Variants in UNC13B observed in about 807,000 individuals in gnomAD.
UNC13B encodes unc-13 homolog B.
A neutral mutation model predicts 211.0 loss-of-function variants in UNC13B; 144 were observed. The ratio of observed to expected loss-of-function variants is 0.68; its 90% CI spans 0.60 to 0.78. The LOEUF is 0.78. UNC13B is among the 30% of genes least tolerant of loss of function. The pLI is 0.00. For synonymous variants in UNC13B, 709 were observed against 725.8 expected (o/e 0.98, Z 0.37); for missense variants, 1,777 against 2,002.0 (o/e 0.89, Z 2.14).
chr9:35,262,999 C>CT lies in UNC13B; in HGVS notation c.526+3956dup, dbSNP rs546972152. Among the ~76,000 whole-genome samples, 17 of 152,154 alleles carry CT rather than the reference C, an allele frequency of 1.1e-4. No homozygotes were observed. In the South Asian group the frequency reaches 1.5e-3, roughly 13 times the overall value. ...CTTTTTGGTCATTTATGATATTGAT[C>CT]TTTTTTTATTTACAAAAATAGTTTA... On this transcript the variant is annotated intron_variant, in intron 7 of 39. Coordinates refer to ENST00000635942, the MANE Select transcript of UNC13B (RefSeq NM_001371189.2).
chr9:35,397,053 G>T (rs1835930125), intron 28 of UNC13B, 114 bp from the exon 29 acceptor site: 1 of 1,599,990 alleles, frequency 6.3e-7, no homozygotes, highest in South Asian at 1.1e-5. Flanking sequence ...GGAGTTCACA[G>T]GAGGGCTGTT....
At position 35,302,913 on chromosome 9, in the gene UNC13B, A is replaced by G. The variant is rs2131831544; in HGVS notation, c.3509A>G (p.Asn1170Ser). The G allele has an allele frequency of 2.5e-6, 1 of 398,708 alleles. No individual in the cohort carries two copies. The highest frequency in any genetic ancestry group is 4.4e-6 in the Non-Finnish European group (1 of 225,776). The allele number at this position is 398,708 out of a possible 1,614,324, so 24.7% of individuals were successfully genotyped here. A position where few individuals can be genotyped will look rare whatever the true frequency, so the allele number is the denominator to read the frequency against. The change falls in exon 9 of 40, where the codon AAT (asparagine) becomes AGT (serine). Residue 1170 changes from asparagine (N) to serine (S), a missense_variant. Asn to Ser is a conservative substitution (Grantham distance 46). Coordinates refer to ENST00000635942, the MANE Select transcript of UNC13B (RefSeq NM_001371189.2). ...NLSSQELNLK[N>S]DDSHHKNNTP... is the part of the protein sequence containing the mutation. ...TCTAGTCAAGAATTAAATTTGAAAA[A>G]TGATGACTCCCATCACAAGAATAAT...
At chr9:35,167,848 C>T (rs1821127450) in intron 1 of UNC13B, among the ~76,000 whole-genome samples, 1 of 150,806 alleles carries the variant, frequency 6.6e-6, no homozygotes, top group African/African-American at 2.4e-5. Context: ...TGTGATCTGC[C>T]CTCCTCGGCC....
intron 7 of UNC13B, among the ~76,000 whole-genome samples, chr9:35,266,068 G>T (rs1260158325): frequency 6.6e-6 from 1 of 152,150 alleles, no homozygotes; most frequent in Non-Finnish European, 1.5e-5. Flanking sequence ...CTCCAAAAGT[G>T]CTGGGATTAT....
chr9:35,388,174 G>A (rs569522594), intron 24 of UNC13B, among the ~76,000 whole-genome samples: 26 of 152,266 alleles, frequency 1.7e-4, no homozygotes, highest in South Asian at 6.2e-4. Context: ...TTGGGAAGCC[G>A]GGGCGGGTGG....
At chr9:35,382,974 G>T (rs1308452166) in intron 21 of UNC13B, among the ~76,000 whole-genome samples, 2 of 152,184 alleles carry the variant, frequency 1.3e-5, no homozygotes, top group African/African-American at 4.8e-5. Context: ...TGGGTATGCG[G>T]ACTATACTAA....
At position 35,353,783 on chromosome 9, in the gene UNC13B, C is replaced by T. The variant is rs866785319; in HGVS notation, c.9415-13164C>T. 5.0e-5 allele frequency: 62 copies of T among 1,231,970 alleles called. No homozygotes were observed. The Middle Eastern group carries it at 1.9e-3, about 37-fold the overall frequency. The allele number at this position is 1,231,970 out of a possible 1,614,324, so 76.3% of individuals were successfully genotyped here. A position where few individuals can be genotyped will look rare whatever the true frequency, so the allele number is the denominator to read the frequency against. ...GCATGAGCTAGTACAGAAGGCAAAC[C>T]GTCTCTCAGTAGAAGACATACACTC... On this transcript the variant is annotated intron_variant, in intron 11 of 39. Coordinates refer to ENST00000635942, the MANE Select transcript of UNC13B (RefSeq NM_001371189.2).
chr9:35,251,122 C>T (rs1826452310), intron 6 of UNC13B, among the ~76,000 whole-genome samples: 1 of 151,970 alleles, frequency 6.6e-6, no homozygotes, highest in African/African-American at 2.4e-5. Context: ...GCCACCGCAC[C>T]CGGCTAATTT....
At chr9:35,340,015 T>A (rs1831891387) in intron 11 of UNC13B, among the ~76,000 whole-genome samples, 1 of 152,208 alleles carries the variant, frequency 6.6e-6, no homozygotes, top group Non-Finnish European at 1.5e-5. Flanking sequence ...GGCTGCAGAT[T>A]TGGGGGAGGG....
At chr9:35,335,468 G>T (rs1358432617) in intron 11 of UNC13B, among the ~76,000 whole-genome samples, 1 of 152,146 alleles carries the variant, frequency 6.6e-6, no homozygotes, top group African/African-American at 2.4e-5. Flanking sequence ...GTAAGTTGTA[G>T]CCCATTCTTT....
In UNC13B at chr9:35,257,580, CAAAAAAAAAAAA is replaced by C. The variant is rs1160474466; in HGVS notation, c.469-1394_469-1383del. 6.9e-4 allele frequency among the ~76,000 whole-genome samples: 25 copies of C among 36,390 alleles called. No homozygotes were observed. The South Asian group carries it at 7.8e-3, about 11-fold the overall frequency. 23.9% of individuals were successfully genotyped at this position (36,390 alleles called of 152,430 possible). A position where few individuals can be genotyped will look rare whatever the true frequency, so the allele number is the denominator to read the frequency against. Reference sequence around the variant, plus strand: ...TGGGAGAAAGAGTGAGAATCTGTATCAAAAAAAAAAAAAAAAAAAAAAAAAAAAAAGATGTTT... The same window carrying C: ...TGGGAGAAAGAGTGAGAATCTGTATCAAAAAAAAAAAAAAAAAAGATGTTT... On this transcript the variant is annotated intron_variant, in intron 6 of 39. Transcript: ENST00000635942.
At chr9:35,205,252 T>C (rs372789132) in intron 1 of UNC13B, among the ~76,000 whole-genome samples, 4 of 152,276 alleles carry the variant, frequency 2.6e-5, no homozygotes, top group South Asian at 2.1e-4. Context: ...CAATTAAACC[T>C]CTTTTTTAAA....
intron 1 of UNC13B, among the ~76,000 whole-genome samples, chr9:35,207,352 T>C (rs1373247135): frequency 6.6e-6 from 1 of 152,056 alleles, no homozygotes; most frequent in African/African-American, 2.4e-5. Flanking sequence ...CTTGAACTTC[T>C]GGGCTCAAGC....
At chr9:35,311,374 T>G (rs1830173880) in intron 10 of UNC13B, among the ~76,000 whole-genome samples, 1 of 152,166 alleles carries the variant, frequency 6.6e-6, no homozygotes, top group Non-Finnish European at 1.5e-5. Flanking sequence ...AGCCTCTGAG[T>G]CAGGAACTGA....
intron 1 of UNC13B, among the ~76,000 whole-genome samples, chr9:35,213,358 C>T (rs530394827): frequency 2.0e-4 from 30 of 147,838 alleles, no homozygotes; most frequent in Admixed American, 7.1e-4. Context: ...ACAGTGAGAG[C>T]GCAGCCATCT....
intron 1 of UNC13B, among the ~76,000 whole-genome samples, chr9:35,207,186 G>A (rs767651942): frequency 1.4e-4 from 21 of 152,092 alleles, no homozygotes; most frequent in Non-Finnish European, 2.6e-4. Flanking sequence ...ATATCTTACT[G>A]TGGTTTTGAT....
chr9:35,378,549 C>T (rs1036004542), intron 17 of UNC13B, 113 bp downstream of exon 17: 23 of 1,381,726 alleles, frequency 1.7e-5, no homozygotes, highest in Non-Finnish European at 1.8e-5. Flanking sequence ...GGGGAGAAAA[C>T]TCATTTCTCG....
intron 1 of UNC13B, among the ~76,000 whole-genome samples, chr9:35,212,631 A>C (rs1824034155): frequency 6.6e-6 from 1 of 152,204 alleles, no homozygotes; most frequent in African/African-American, 2.4e-5. Flanking sequence ...GAAAGGCAGA[A>C]TATTATAAAC....
At chr9:35,357,887 C>A (rs1054789165) in intron 11 of UNC13B, among the ~76,000 whole-genome samples, 1 of 152,212 alleles carries the variant, frequency 6.6e-6, no homozygotes, top group African/African-American at 2.4e-5. Flanking sequence ...CACCGTTCAT[C>A]TCCAGAATGC....
Sources: gnomAD v4.1 joint callset for allele counts (sites outside exome capture counted in the v4.1 genomes callset) on GRCh38, gnomAD v4.1.1 for gene constraint, MANE v1.5 for transcripts, NCBI Gene and HGNC (gene_info 2026-07-23, HGNC 2026-07-21) for gene names.